The following PALD1 variants were observed in gnomAD, a reference collection of about 807,000 sequenced individuals.
PALD1 encodes the protein paladin.
In PALD1, 57 loss-of-function variants were observed where a neutral mutation model predicts 96.0. That is an observed-to-expected ratio of 0.59 (90% CI 0.48 to 0.74). The LOEUF (loss-of-function observed/expected upper bound fraction) is 0.74, where lower values mean the gene tolerates loss of function less well. PALD1 is among the 30% of genes least tolerant of loss of function. PALD1 has a pLI of 0.00. For missense variants in PALD1, 1,063 were observed against 1,143.7 expected, an observed-to-expected ratio of 0.93 and a Z score of 1.02; for synonymous variants, 464 against 473.6, an observed-to-expected ratio of 0.98 and a Z score of 0.26.
chr10:70,519,953 G>T (rs1313828491), intron 1 of PALD1, among the ~76,000 whole-genome samples: 2 of 152,102 alleles, frequency 1.3e-5, no homozygotes, highest in African/African-American at 4.8e-5. Flanking sequence ...TCAGGGATGT[G>T]GCCAGCTCTG....
chr10:70,541,751 G>A (rs1847253327), intron 17 of PALD1, among the ~76,000 whole-genome samples: 1 of 152,150 alleles, frequency 6.6e-6, no homozygotes, highest in African/African-American at 2.4e-5. Context: ...CTATGGAGAT[G>A]TGGGCTGGAC....
At chr10:70,534,606 T>G in intron 9 of PALD1, 82 bp downstream of exon 9, 2 of 1,177,598 alleles carry the variant, frequency 1.7e-6, no homozygotes, top group Non-Finnish European at 2.5e-6. Context: ...CTCTCTTCCT[T>G]CCCGATACCC....
intron 1 of PALD1, among the ~76,000 whole-genome samples, chr10:70,516,798 A>T (rs1363679175): frequency 6.6e-6 from 1 of 152,024 alleles, no homozygotes; most frequent in Middle Eastern, 3.2e-3. Flanking sequence ...GGCTCAAGCA[A>T]TCCTCCTGAC....
intron 18 of PALD1, among the ~76,000 whole-genome samples, chr10:70,554,201 G>T (rs1847542768): frequency 6.6e-6 from 1 of 152,182 alleles, no homozygotes; most frequent in African/African-American, 2.4e-5. Context: ...GGCCAAGGTG[G>T]GAGGATCACC....
chr10:70,514,892 T>C (rs1043735301), intron 1 of PALD1, among the ~76,000 whole-genome samples: 56 of 152,292 alleles, frequency 3.7e-4, no homozygotes, highest in Non-Finnish European at 7.4e-4. Flanking sequence ...TGGAAACTTA[T>C]ACAAATAACT....
At chr10:70,554,378 G>A (rs747784928) in intron 18 of PALD1, among the ~76,000 whole-genome samples, 3 of 152,196 alleles carry the variant, frequency 2.0e-5, no homozygotes, top group African/African-American at 2.4e-5. Flanking sequence ...GCAGTAAGCC[G>A]AGATCATGCT....
chr10:70,476,447 C>T (rs1845823257), upstream of PALD1, among the ~76,000 whole-genome samples: 1 of 152,184 alleles, frequency 6.6e-6, no homozygotes, highest in Non-Finnish European at 1.5e-5. Flanking sequence ...GCCCCATAGC[C>T]AGCAGACAGC....
upstream of PALD1, among the ~76,000 whole-genome samples, chr10:70,478,640 C>T (rs532980729): frequency 1.8e-3 from 269 of 152,254 alleles, no homozygotes; most frequent in African/African-American, 4.0e-3. Context: ...TTCCTCCCGC[C>T]CGGGGGCTGC....
At position 70,534,686 on chromosome 10, in the gene PALD1, C is replaced by T. The variant is rs1847071578; in HGVS notation, c.1123-53C>T. On this transcript the variant is annotated intron_variant, in intron 9 of 19. Coordinates refer to ENST00000263563, the MANE Select transcript of PALD1 (RefSeq NM_014431.3). ...TTTTCTCCTGCCGTTCTGCCTTGAC[C>T]CTGCTCCCCACCCCCCCACCTCCCT... is the stretch of plus-strand genomic sequence containing the variant. 7 of 1,348,298 alleles carry T rather than the reference C, an allele frequency of 5.2e-6. No homozygotes were observed. The South Asian group carries it at 6.1e-5, about 12-fold the overall frequency. 83.5% of individuals were successfully genotyped at this position (1,348,298 alleles called of 1,614,324 possible).
intron 17 of PALD1, 105 bp from the exon 18 acceptor site, chr10:70,547,200 TG>T: frequency 1.0e-6 from 1 of 987,112 alleles, no homozygotes. Context: ...GTTCAGCGCC[TG>T]GGCCTTAGGC....
the PALD1 span, among the ~76,000 whole-genome samples, chr10:70,472,776 G>A: frequency 1.3e-5 from 2 of 152,228 alleles, 1 homozygote; most frequent in East Asian, 3.9e-4. Flanking sequence ...TTCTCTGCAT[G>A]CCCCGGGGGC....
chr10:70,541,600 C>A, intron 17 of PALD1, 66 bp downstream of exon 17: 2 of 1,218,786 alleles, frequency 1.6e-6, no homozygotes, highest in Non-Finnish European at 2.4e-6. Flanking sequence ...CTCCTGCTTG[C>A]CGGTCTAGGG....
intron 17 of PALD1, among the ~76,000 whole-genome samples, chr10:70,545,393 C>T (rs955662504): frequency 2.6e-5 from 4 of 151,766 alleles, no homozygotes; most frequent in South Asian, 2.1e-4. Flanking sequence ...GAGGTGGAGA[C>T]GCTGGTCAGA....
chr10:70,466,500 C>G, the PALD1 span, among the ~76,000 whole-genome samples: 1 of 152,176 alleles, frequency 6.6e-6, no homozygotes, highest in Non-Finnish European at 1.5e-5. Context: ...ATCTCAGCTT[C>G]CCAAAGTGTC....
chr10:70,511,503 T>C (rs895142934), intron 1 of PALD1, among the ~76,000 whole-genome samples: 1 of 152,238 alleles, frequency 6.6e-6, no homozygotes, highest in African/African-American at 2.4e-5. Context: ...CTTATGTCCC[T>C]GTCTTAGTCC....
chr10:70,501,099 G>T (rs889033090), intron 1 of PALD1, among the ~76,000 whole-genome samples: 4 of 152,136 alleles, frequency 2.6e-5, no homozygotes, highest in Non-Finnish European at 4.4e-5. Context: ...ACTGAGGGAG[G>T]CTACATGAGG....
intron 1 of PALD1, among the ~76,000 whole-genome samples, chr10:70,516,123 G>A (rs1564693058): frequency 6.6e-6 from 1 of 152,170 alleles, no homozygotes; most frequent in Non-Finnish European, 1.5e-5. Flanking sequence ...CAGGAGCCAC[G>A]TGTGGCACTT....
At chr10:70,520,650 A>G (rs1197398573) in intron 1 of PALD1, among the ~76,000 whole-genome samples, 1 of 140,912 alleles carries the variant, frequency 7.1e-6, no homozygotes, top group Non-Finnish European at 1.5e-5. Flanking sequence ...TCTGCCAAGG[A>G]CTCCATAGGT....
chr10:70,510,962 A>G (rs906684709), intron 1 of PALD1, among the ~76,000 whole-genome samples: 5 of 152,026 alleles, frequency 3.3e-5, no homozygotes, highest in African/African-American at 7.2e-5. Context: ...GTGGGCAGGG[A>G]TTACGTTCTG....
Sources: allele counts gnomAD v4.1 joint callset (sites outside exome capture counted in the v4.1 genomes callset), GRCh38; gene constraint gnomAD v4.1.1; transcripts MANE v1.5; gene names NCBI Gene and HGNC (gene_info 2026-07-23, HGNC 2026-07-21).